The following TMTC1 variants were observed in gnomAD, a reference collection of about 807,000 sequenced individuals.
TMTC1 encodes the protein protein O-mannosyl-transferase TMTC1.
Under a neutral mutation model 104.8 loss-of-function variants are expected in TMTC1, and 73 were observed. That is an observed-to-expected ratio of 0.70 (90% confidence interval 0.58 to 0.85). The LOEUF (loss-of-function observed/expected upper bound fraction) is 0.85. Ranked by LOEUF, TMTC1 falls within the 40% of genes least tolerant of loss-of-function variation. The pLI, the probability that TMTC1 is intolerant of heterozygous loss-of-function variation, is 0.00. For synonymous variants in TMTC1, 434 were observed against 428.7 expected, an observed-to-expected ratio of 1.01 and a Z score of -0.15; for missense variants, 1,035 against 1,096.1, an observed-to-expected ratio of 0.94 and a Z score of 0.79.
Position 29,783,330 on chromosome 12 carries a change from T to A in TMTC1, c.302+120A>T, listed in dbSNP as rs557249199. ...GCACATCCTGGAGAGGAGGGAGGCG[T>A]GGAGGGAAAGGGCGGCAAAAATGAA... On this transcript the variant is annotated intron_variant, in intron 1 of 17. Transcript: ENST00000539277. The surrounding 1 kb of genome is among the most constrained non-coding windows in gnomAD (Gnocchi z 4.7). The A allele has an allele frequency of 1.4e-4, 126 of 874,274 alleles. No individual in the cohort carries two copies. The African/African-American group carries it at 1.6e-3, about 11-fold the overall frequency. 54.2% of individuals were successfully genotyped at this position (874,274 alleles called of 1,614,324 possible).
chr12:29,655,253 T>C (rs1274387303), intron 5 of TMTC1, among the ~76,000 whole-genome samples: 1 of 152,182 alleles, frequency 6.6e-6, no homozygotes, highest in Non-Finnish European at 1.5e-5. Context: ...CAGTGGCTGG[T>C]GGTCTATTAT....
chr12:29,715,987 G>GTATTATTATTATCATTATTAT (rs1448590091), intron 5 of TMTC1, among the ~76,000 whole-genome samples: 2 of 130,170 alleles, frequency 1.5e-5, no homozygotes, highest in African/African-American at 5.9e-5. Flanking sequence ...GCCAAACTCA[G>GTATTATTATTATCATTATTAT]TATTATTATT....
intron 6 of TMTC1, among the ~76,000 whole-genome samples, chr12:29,616,400 G>A (rs765389581): frequency 1.5e-4 from 23 of 152,072 alleles, no homozygotes; most frequent in Non-Finnish European, 2.6e-4. Flanking sequence ...GGCCAGAGGC[G>A]GTGGCTCACA....
chr12:29,664,175 A>T (rs548249447), intron 5 of TMTC1, among the ~76,000 whole-genome samples: 1 of 151,490 alleles, frequency 6.6e-6, no homozygotes, highest in Non-Finnish European at 1.5e-5. Flanking sequence ...CGACAGAGCG[A>T]GACTCCGTCT....
At chr12:29,576,687 C>T (rs758255558) in intron 8 of TMTC1, among the ~76,000 whole-genome samples, 1 of 152,036 alleles carries the variant, frequency 6.6e-6, no homozygotes, top group Non-Finnish European at 1.5e-5. Context: ...ATGTAGATGA[C>T]TAAGTCTAGA....
At chr12:29,696,619 A>C (rs1042984315) in intron 5 of TMTC1, among the ~76,000 whole-genome samples, 1 of 152,188 alleles carries the variant, frequency 6.6e-6, no homozygotes, top group Admixed American at 6.5e-5. Flanking sequence ...TGAAAAGTGA[A>C]GGTTTATTCA....
chr12:29,608,200 T>C (rs768232917), intron 6 of TMTC1, among the ~76,000 whole-genome samples: 1 of 152,198 alleles, frequency 6.6e-6, no homozygotes, highest in Non-Finnish European at 1.5e-5. Context: ...ATCATGGACA[T>C]GGCTAAATTT....
rs375898568 is a variant in TMTC1, at chr12:29,581,927, C to A, written c.1418+1480G>T. ...TCGTGTTTAATAGAAAGGGGTATGA[C>A]AGGGACTTAACAGAATCTAAGAGTG... is the stretch of plus-strand genomic sequence containing the variant. On this transcript the variant is annotated intron_variant, in intron 8 of 17. Transcript: ENST00000539277. Among the ~76,000 whole-genome samples the A allele has an allele frequency of 4.6e-3, 693 of 152,062 alleles. 2 individuals are homozygous for A. The highest frequency in any genetic ancestry group is 0.011 in the South Asian group (55 of 4,816).
chr12:29,735,821 C>T (rs1020329369), intron 5 of TMTC1, among the ~76,000 whole-genome samples: 19 of 152,138 alleles, frequency 1.2e-4, no homozygotes, highest in African/African-American at 4.6e-4. Flanking sequence ...AAGCATCAAC[C>T]GTGTAGCAGG....
At chr12:29,608,319 T>C (rs1232651833) in intron 6 of TMTC1, among the ~76,000 whole-genome samples, 1 of 152,164 alleles carries the variant, frequency 6.6e-6, no homozygotes, top group Admixed American at 6.5e-5. Context: ...GTAGATTCAA[T>C]AATACCCTAA....
At chr12:29,611,783 T>A (rs1269476304) in intron 6 of TMTC1, among the ~76,000 whole-genome samples, 1 of 152,234 alleles carries the variant, frequency 6.6e-6, no homozygotes, top group Non-Finnish European at 1.5e-5. Flanking sequence ...AATTATTATA[T>A]GTGTGTTTCA....
intron 5 of TMTC1, among the ~76,000 whole-genome samples, chr12:29,691,467 C>G (rs1211840416): frequency 9.2e-6 from 1 of 108,978 alleles, no homozygotes. Flanking sequence ...TCCCACACAG[C>G]TGGCTCTGTG....
intron 8 of TMTC1, among the ~76,000 whole-genome samples, chr12:29,581,921 G>T (rs1044879591): frequency 6.6e-6 from 1 of 151,996 alleles, no homozygotes; most frequent in Non-Finnish European, 1.5e-5. Flanking sequence ...ATAGAAAGGG[G>T]TATGACAGGG....
At chr12:29,696,585 A>C (rs118103171) in intron 5 of TMTC1, among the ~76,000 whole-genome samples, 224 of 152,298 alleles carry the variant, frequency 1.5e-3, no homozygotes, top group Non-Finnish European at 2.2e-3. Flanking sequence ...GTTATTGCTT[A>C]CTTTCTTTTC....
At chr12:29,526,695 CTTCT>C (rs1944355667) in intron 11 of TMTC1, among the ~76,000 whole-genome samples, 1 of 152,070 alleles carries the variant, frequency 6.6e-6, no homozygotes. Flanking sequence ...TAGGATTTTA[CTTCT>C]TTATCAAGAG....
At chr12:29,518,338 T>G (rs1472269752) in intron 13 of TMTC1, 134 bp downstream of exon 13, 3 of 977,736 alleles carry the variant, frequency 3.1e-6, no homozygotes, top group Non-Finnish European at 2.9e-6. Context: ...TCTTTGGAGA[T>G]AAAAATTTGT....
At chr12:29,690,293 G>C (rs1437581223) in intron 5 of TMTC1, among the ~76,000 whole-genome samples, 1 of 152,188 alleles carries the variant, frequency 6.6e-6, no homozygotes, top group Non-Finnish European at 1.5e-5. Context: ...CTTATGAGAT[G>C]AGACGGAAGG....
chr12:29,636,922 G>T (rs1178603514), intron 5 of TMTC1, among the ~76,000 whole-genome samples: 1 of 151,848 alleles, frequency 6.6e-6, no homozygotes. Context: ...TGGGTGTGGT[G>T]GCACACACCT....
intron 8 of TMTC1, among the ~76,000 whole-genome samples, chr12:29,580,211 C>T (rs1177305672): frequency 1.3e-5 from 2 of 152,046 alleles, no homozygotes; most frequent in Admixed American, 6.6e-5. Context: ...CCCATCTCCT[C>T]GGTAGGCTGA....
Sources: gnomAD v4.1 joint callset for allele counts (sites outside exome capture counted in the v4.1 genomes callset) on GRCh38, gnomAD v4.1.1 for gene constraint, Gnocchi (gnomAD v3.1) non-coding constraint, MANE v1.5 for transcripts, NCBI Gene and HGNC (gene_info 2026-07-23, HGNC 2026-07-21) for gene names.